Variants in PDE1C observed in about 807,000 individuals in gnomAD.
PDE1C encodes phosphodiesterase 1C.
In PDE1C, 62 loss-of-function variants were observed where a neutral mutation model predicts 93.1. The observed-to-expected ratio is 0.67, with a 90% CI of 0.54 to 0.82. PDE1C has a LOEUF of 0.82. PDE1C is among the 40% of genes least tolerant of loss of function. The pLI, the probability that PDE1C is intolerant of heterozygous loss-of-function variation, is 0.00. For synonymous variants in PDE1C, 325 were observed against 310.1 expected, an observed-to-expected ratio of 1.05 and a Z score of -0.50; for missense variants, 742 against 884.6, an observed-to-expected ratio of 0.84 and a Z score of 2.04.
At chr7:31,887,219 T>C (rs924300082) in intron 2 of PDE1C, among the ~76,000 whole-genome samples, 4 of 152,196 alleles carry the variant, frequency 2.6e-5, no homozygotes, top group Non-Finnish European at 5.9e-5. Context: ...TGGTTGCTTT[T>C]AAGAATTTCT....
chr7:32,098,533 G>A (rs868423177), intron 3 of PDE1C, among the ~76,000 whole-genome samples: 6 of 151,788 alleles, frequency 4.0e-5, no homozygotes, highest in Admixed American at 1.3e-4. Context: ...CAAATCCTTC[G>A]TGAATCAAAG....
intron 3 of PDE1C, among the ~76,000 whole-genome samples, chr7:32,138,845 A>T (rs749482621): frequency 2.8e-4 from 43 of 152,192 alleles, no homozygotes; most frequent in Non-Finnish European, 2.4e-4. Flanking sequence ...TATTAAATTC[A>T]TAAATAGACA....
At chr7:31,748,136 C>G (rs780727946), downstream of PDE1C, among the ~76,000 whole-genome samples, 1 of 151,576 alleles carries the variant, frequency 6.6e-6, no homozygotes, top group Admixed American at 6.6e-5. Context: ...CAAGAATAAC[C>G]AAGGGCAGCT....
intron 2 of PDE1C, among the ~76,000 whole-genome samples, chr7:31,968,733 A>C (rs1051396539): frequency 1.3e-5 from 2 of 152,184 alleles, no homozygotes; most frequent in Non-Finnish European, 2.9e-5. Flanking sequence ...CAGTAACCAA[A>C]ACAGCATGGT....
upstream of PDE1C, among the ~76,000 whole-genome samples, chr7:32,303,977 T>G (rs1205528254): frequency 6.6e-6 from 1 of 152,072 alleles, no homozygotes; most frequent in Non-Finnish European, 1.5e-5. Context: ...AAGTTAGGAG[T>G]TATAAGTGGA....
chr7:31,679,362 C>T, the PDE1C span, among the ~76,000 whole-genome samples: 1 of 152,172 alleles, frequency 6.6e-6, no homozygotes, highest in Non-Finnish European at 1.5e-5. Context: ...GAAGTTATAG[C>T]CGCTATTTTG....
intron 2 of PDE1C, among the ~76,000 whole-genome samples, chr7:32,043,288 C>T (rs1792093311): frequency 6.6e-6 from 1 of 152,174 alleles, no homozygotes; most frequent in Non-Finnish European, 1.5e-5. Context: ...TTGGCCCCAG[C>T]ATGGCGGCCC....
intron 2 of PDE1C, among the ~76,000 whole-genome samples, chr7:32,208,609 C>T (rs1805782341): frequency 1.3e-5 from 2 of 152,156 alleles, no homozygotes; most frequent in Non-Finnish European, 2.9e-5. Context: ...GCCAGTGAGG[C>T]AGTGATAAAT....
At chr7:31,722,649 G>A in the PDE1C span, among the ~76,000 whole-genome samples, 1 of 152,206 alleles carries the variant, frequency 6.6e-6, no homozygotes, top group East Asian at 1.9e-4. Context: ...ATGCACGGGA[G>A]CTGACCAGGT....
the PDE1C span, among the ~76,000 whole-genome samples, chr7:31,715,120 T>C: frequency 6.6e-6 from 1 of 152,354 alleles, no homozygotes; most frequent in South Asian, 2.1e-4. Flanking sequence ...ATTTTTGGGT[T>C]CCTCATGTAA....
At chr7:31,984,403 G>T (rs1393640263) in intron 2 of PDE1C, among the ~76,000 whole-genome samples, 1 of 152,082 alleles carries the variant, frequency 6.6e-6, no homozygotes, top group East Asian at 1.9e-4. Flanking sequence ...TCCACAAAAT[G>T]GGTCCCTGGT....
At chr7:32,321,466 AC>A (rs1783290484) in intron 1 of PDE1C, among the ~76,000 whole-genome samples, 1 of 152,210 alleles carries the variant, frequency 6.6e-6, no homozygotes, top group South Asian at 2.1e-4. Context: ...GATGCCCCTT[AC>A]TTTTGGGTGG....
chr7:31,647,081 C>A, the PDE1C span, among the ~76,000 whole-genome samples: 2 of 152,194 alleles, frequency 1.3e-5, no homozygotes. Context: ...TACATATGCA[C>A]ACAGGCGCAT....
At chr7:31,647,826 T>C in the PDE1C span, among the ~76,000 whole-genome samples, 1 of 152,054 alleles carries the variant, frequency 6.6e-6, no homozygotes, top group Admixed American at 6.6e-5. Context: ...CCCCCTAATA[T>C]AGCAATATAT....
At chr7:31,765,056 T>A (rs2128614044) in intron 17 of PDE1C, among the ~76,000 whole-genome samples, 1 of 152,314 alleles carries the variant, frequency 6.6e-6, no homozygotes, top group South Asian at 2.1e-4. Flanking sequence ...CAAGTTTGAG[T>A]CCTTGTTTTA....
chr7:31,774,763 T>C (rs12672732), intron 17 of PDE1C, among the ~76,000 whole-genome samples: 47,686 of 152,090 alleles, frequency 0.31, 7,718 homozygotes, highest in Admixed American at 0.37. Flanking sequence ...AACAAAACTC[T>C]ACATAAAGTA....
intron 1 of PDE1C, among the ~76,000 whole-genome samples, chr7:32,345,360 A>G (rs965458995): frequency 9.2e-5 from 14 of 152,240 alleles, no homozygotes; most frequent in African/African-American, 3.4e-4. Context: ...TAGAATGAAG[A>G]GACACCCATT....
intron 2 of PDE1C, among the ~76,000 whole-genome samples, chr7:31,889,644 A>G (rs758857635): frequency 3.9e-5 from 6 of 152,146 alleles, no homozygotes; most frequent in Non-Finnish European, 5.9e-5. Flanking sequence ...CTTTGGGGAT[A>G]TATGTTTGTG....
chr7:31,647,717 GACGACA>G, the PDE1C span, among the ~76,000 whole-genome samples: 1 of 148,708 alleles, frequency 6.7e-6, no homozygotes, highest in African/African-American at 2.5e-5. Context: ...AGAAGACGAT[GACGACA>G]ACGACGACGA....
Sources: allele counts gnomAD v4.1 joint callset (sites outside exome capture counted in the v4.1 genomes callset), GRCh38; gene constraint gnomAD v4.1.1; transcripts MANE v1.5; gene names NCBI Gene and HGNC (gene_info 2026-07-23, HGNC 2026-07-21).